MROH9: variants seen among roughly 807,000 people sequenced by gnomAD.
MROH9 encodes maestro heat-like repeat-containing protein family member 9.
MROH9 carries 92 observed loss-of-function variants against 98.2 expected under a neutral mutation model. The ratio of observed to expected loss-of-function variants is 0.94; its 90% CI spans 0.79 to 1.11. MROH9 has a LOEUF of 1.11. Among genes scored for constraint, MROH9 ranks in the 50% most tolerant of loss-of-function variants. MROH9 has a pLI of 0.00. For synonymous variants in MROH9, 397 were observed against 368.9 expected (o/e 1.08, Z -0.87); for missense variants, 1,057 against 1,014.8 (o/e 1.04, Z -0.57).
At chr1:170,983,676 A>G in intron 9 of MROH9, 142 bp downstream of exon 9, 1 of 591,074 alleles carries the variant, frequency 1.7e-6, no homozygotes, top group South Asian at 2.2e-5. Context: ...AAATGATTAT[A>G]GACCATTTAG....
intron 21 of MROH9, among the ~76,000 whole-genome samples, chr1:171,063,266 T>TC (rs896064962): frequency 1.3e-5 from 2 of 150,334 alleles, no homozygotes; most frequent in Non-Finnish European, 3.0e-5. Flanking sequence ...TTTTTTTTTT[T>TC]TTTTTGAGAC....
chr1:170,971,773 G>A lies in MROH9; in HGVS notation c.506G>A (p.Gly169Asp), dbSNP rs1486151525. 1 of 1,614,046 alleles carries A rather than the reference G, an allele frequency of 6.2e-7. No individual in the cohort carries two copies. Residue 169 changes from glycine (G) to aspartate (D), a missense_variant, in exon 8 of 22, where the codon GGT becomes GAT. Gly to Asp is a moderately conservative substitution (Grantham distance 94). Coordinates refer to ENST00000367759, the MANE Select transcript of MROH9 (RefSeq NM_001163629.2). The part of the protein sequence containing the change: ...KYISVDAPCL[G>D]LLAAELSLLC... ...ATAAGTGTTGATGCTCCATGTTTGG[G>A]TCTCCTGGCAGCAGAGCTGTCTCTT... is the stretch of plus-strand genomic sequence containing the variant.
intron 15 of MROH9, among the ~76,000 whole-genome samples, chr1:171,006,345 A>C (rs757097686): frequency 2.0e-5 from 3 of 152,078 alleles, no homozygotes; most frequent in Non-Finnish European, 2.9e-5. Flanking sequence ...TCTGCTTTCA[A>C]GCTTATCTCT....
intron 10 of MROH9, among the ~76,000 whole-genome samples, chr1:170,987,485 C>T (rs1571479220): frequency 6.6e-6 from 1 of 152,172 alleles, no homozygotes; most frequent in East Asian, 1.9e-4. Flanking sequence ...GTTCGCCTTT[C>T]CTCCACAGTC....
chr1:170,995,832 A>G (rs899336280), intron 13 of MROH9, among the ~76,000 whole-genome samples: 4 of 152,206 alleles, frequency 2.6e-5, no homozygotes, highest in Non-Finnish European at 5.9e-5. Context: ...AAAAGAGAGC[A>G]GAGCATTAAA....
intron 3 of MROH9, among the ~76,000 whole-genome samples, chr1:170,952,515 C>T (rs1249811871): frequency 6.7e-6 from 1 of 148,742 alleles, no homozygotes; most frequent in Non-Finnish European, 1.5e-5. Context: ...AAACCAAACA[C>T]TGCATGTTCT....
At chr1:170,998,365 C>G (rs1396618074) in intron 15 of MROH9, 91 bp downstream of exon 15, 1 of 1,611,598 alleles carries the variant, frequency 6.2e-7, no homozygotes, top group East Asian at 2.2e-5. Context: ...ATCTCTCCCT[C>G]TGAATGTTGG....
At position 171,039,925 on chromosome 1, in the gene MROH9, A is replaced by G. The variant is rs149296648; in HGVS notation, c.2281+14505A>G. Among the ~76,000 whole-genome samples, 38 of 152,282 alleles carry G rather than the reference A, an allele frequency of 2.5e-4. No individual in the cohort carries two copies. In the East Asian group the frequency reaches 7.1e-3, roughly 29 times the overall value. On this transcript the variant is annotated intron_variant, in intron 20 of 21. Coordinates refer to ENST00000367759, the MANE Select transcript of MROH9 (RefSeq NM_001163629.2). ...GCCAGTTGATTGTATTATGAAAATG[A>G]TCATGTGATTTTTGTGGTCACTATT...
rs1652277474 is a variant in MROH9 at position 171,014,918 on chromosome 1, G to A, written c.1734+664G>A. On this transcript the variant is annotated intron_variant, in intron 16 of 21. Coordinates refer to ENST00000367759, the MANE Select transcript of MROH9 (RefSeq NM_001163629.2). ...GGGCCCACCAATCTGTGTTTTAAAGGTCCTCCAGGTGACTGTTATTCAAGT... is the reference window on the plus strand; with the variant it reads ...GGGCCCACCAATCTGTGTTTTAAAGATCCTCCAGGTGACTGTTATTCAAGT... 8 of 466,702 alleles carry A rather than the reference G, an allele frequency of 1.7e-5. No homozygotes were observed. The Middle Eastern group carries it at 9.7e-4, about 57-fold the overall frequency. 28.9% of individuals were successfully genotyped at this position (466,702 alleles called of 1,614,324 possible).
At chr1:171,063,118 T>C (rs1303587116) in intron 21 of MROH9, among the ~76,000 whole-genome samples, 1 of 152,148 alleles carries the variant, frequency 6.6e-6, no homozygotes, top group African/African-American at 2.4e-5. Context: ...CCCCCCATCC[T>C]GCTCTTCTCA....
At chr1:170,962,371 A>G (rs1465635921) in intron 6 of MROH9, among the ~76,000 whole-genome samples, 1 of 152,180 alleles carries the variant, frequency 6.6e-6, no homozygotes, top group Admixed American at 6.5e-5. Context: ...TGCTAAAGAA[A>G]ATGCTGAGCA....
At chr1:171,019,235 A>G (rs1314671929) in intron 17 of MROH9, among the ~76,000 whole-genome samples, 2 of 152,244 alleles carry the variant, frequency 1.3e-5, no homozygotes, top group Non-Finnish European at 2.9e-5. Context: ...TAATGAAATT[A>G]AGGCAGAAAT....
chr1:170,983,675 T>C, intron 9 of MROH9, 141 bp downstream of exon 9: 1 of 590,988 alleles, frequency 1.7e-6, no homozygotes, highest in Non-Finnish European at 3.0e-6. Flanking sequence ...TAAATGATTA[T>C]AGACCATTTA....
intron 15 of MROH9, among the ~76,000 whole-genome samples, chr1:171,000,567 C>T (rs1344503976): frequency 6.6e-6 from 1 of 152,088 alleles, no homozygotes; most frequent in African/African-American, 2.4e-5. Context: ...ATTGAACCAT[C>T]CCTGCATACC....
chr1:170,985,448 A>C (rs1651095554), intron 9 of MROH9, among the ~76,000 whole-genome samples: 1 of 152,170 alleles, frequency 6.6e-6, no homozygotes, highest in Admixed American at 6.6e-5. Flanking sequence ...GTATTTCTGG[A>C]GAGTTACGTG....
At chr1:170,999,050 T>G (rs1223333454) in intron 15 of MROH9, among the ~76,000 whole-genome samples, 1 of 152,178 alleles carries the variant, frequency 6.6e-6, no homozygotes, top group African/African-American at 2.4e-5. Flanking sequence ...CAGTCTATTT[T>G]GACCTCTCAT....
In MROH9 at chr1:171,008,911, A is replaced by G. The variant is rs1571498976; in HGVS notation, c.1597-5206A>G. On this transcript the variant is annotated intron_variant, in intron 15 of 21. Transcript: ENST00000367759. ...GAGAAAAAGACATGTATTATGTACT[A>G]TAGAAGTATATAAAATGTAGACTTA... Among the ~76,000 whole-genome samples the G allele has an allele frequency of 2.0e-5, 3 of 152,216 alleles. No individual in the cohort carries two copies. The East Asian group carries it at 5.8e-4, about 29-fold the overall frequency.
chr1:171,052,000 T>C (rs998325407), intron 20 of MROH9, among the ~76,000 whole-genome samples: 6 of 152,118 alleles, frequency 3.9e-5, no homozygotes, highest in African/African-American at 1.4e-4. Flanking sequence ...GTATGTCTAG[T>C]AGAATTCAAC....
In MROH9 at chr1:170,986,773, G is replaced by C. The variant is rs115864442; in HGVS notation, c.879+63G>C. 8.2e-4 allele frequency: 1,238 copies of C among 1,502,904 alleles called. 5 individuals are homozygous for C. The African/African-American group carries it at 0.015, about 19-fold the overall frequency. 93.1% of individuals were successfully genotyped at this position (1,502,904 alleles called of 1,614,324 possible). Reference sequence around the variant, plus strand: ...TACTCTCTAATGTGCATTTTTGCCTGTGTTGTATGTCCACTTCTTTTTATA... The same window carrying C: ...TACTCTCTAATGTGCATTTTTGCCTCTGTTGTATGTCCACTTCTTTTTATA... On this transcript the variant is annotated intron_variant, in intron 10 of 21. Coordinates refer to ENST00000367759, the MANE Select transcript of MROH9 (RefSeq NM_001163629.2).
Sources: gnomAD v4.1 joint callset for allele counts (sites outside exome capture counted in the v4.1 genomes callset) on GRCh38, gnomAD v4.1.1 for gene constraint, MANE v1.5 for transcripts, NCBI Gene and HGNC (gene_info 2026-07-23, HGNC 2026-07-21) for gene names.